FAAH: variants seen among roughly 807,000 people sequenced by gnomAD.
The protein encoded by FAAH is fatty acid amide hydrolase, also known as fatty-acid amide hydrolase 1.
In FAAH, 63 loss-of-function variants were observed where a neutral mutation model predicts 69.7. The observed-to-expected ratio is 0.90, with a 90% CI of 0.74 to 1.12. The LOEUF is 1.12. FAAH is among the 50% of genes most tolerant of loss of function. FAAH has a pLI of 0.00. For synonymous variants in FAAH, 305 were observed against 324.2 expected, an observed-to-expected ratio of 0.94 and a Z score of 0.64; for missense variants, 680 against 755.0, an observed-to-expected ratio of 0.90 and a Z score of 1.16.
intron 7 of FAAH, among the ~76,000 whole-genome samples, chr1:46,407,756 A>G: frequency 6.6e-6 from 1 of 152,188 alleles, no homozygotes; most frequent in African/African-American, 2.4e-5. Context: ...ATTGGTGCAG[A>G]CAGAGGAAGA....
chr1:46,411,193 T>TCTGAGCTGAC lies in FAAH; in HGVS notation c.1316+348_1316+357dup, dbSNP rs1664907788. 6.6e-6 allele frequency among the ~76,000 whole-genome samples: 1 copy of TCTGAGCTGAC among 152,126 alleles called. No individual in the cohort carries two copies. Among genetic ancestry groups the TCTGAGCTGAC allele is most frequent in the African/African-American group, 2.4e-5 (1 of 41,422 alleles). ...CCGGGAGAGATGCCACTGTTAGAGA[T>TCTGAGCTGAC]CTGAGCTGACCTGAGCTGCGCCAGG... On this transcript the variant is annotated intron_variant, in intron 11 of 14. Transcript: ENST00000243167. This position sits in a 1 kb window ranked among gnomAD's most constrained non-coding sequence, Gnocchi z 4.8.
intron 1 of FAAH, among the ~76,000 whole-genome samples, chr1:46,400,710 G>A (rs1664682655): frequency 6.9e-6 from 1 of 145,154 alleles, no homozygotes; most frequent in African/African-American, 2.6e-5. Context: ...CCAGTGAGCT[G>A]GTTTGGGCTC....
At position 46,412,209 on chromosome 1, in the gene FAAH, C is replaced by G. The variant is rs1374044172; in HGVS notation, c.1423C>G (p.Leu475Val). ...CCTGGATGTGGTGCTGACCCCCATGCTGGCCCCTGCTCTGGACTTGAATGC... is the reference window on the plus strand; with the variant it reads ...CCTGGATGTGGTGCTGACCCCCATGGTGGCCCCTGCTCTGGACTTGAATGC... ...LDLDVVLTPM[L>V]APALDLNAPG... Residue 475 changes from leucine (L) to valine (V), a missense_variant, in exon 13 of 15, where the codon CTG becomes GTG. Transcript: ENST00000243167. 2.2e-5 allele frequency: 35 copies of G among 1,559,430 alleles called. No homozygotes were observed. The highest frequency in any genetic ancestry group is 2.7e-5 in the Non-Finnish European group (31 of 1,151,490).
At chr1:46,395,255 G>T (rs747310451) in intron 1 of FAAH, among the ~76,000 whole-genome samples, 1 of 152,244 alleles carries the variant, frequency 6.6e-6, no homozygotes, top group Non-Finnish European at 1.5e-5. Flanking sequence ...CTTGATTTGT[G>T]CATTTGGATC....
rs202060291 is a variant in FAAH, at chr1:46,405,167, C to T, written c.444+19C>T. 1.3e-4 allele frequency: 216 copies of T among 1,613,576 alleles called. 3 individuals are homozygous for T. In the African/African-American group the frequency reaches 1.4e-3, roughly 10 times the overall value. The stretch of plus-strand genomic sequence containing the variant: ...CTACAAGGTATGCTCTGCCTCAGCG[C>T]CAGGCCTCCATCGTCCCCTCCATCC... On this transcript the variant is annotated intron_variant, in intron 3 of 14. Coordinates refer to ENST00000243167, the MANE Select transcript of FAAH (RefSeq NM_001441.3). This position sits in a 1 kb window ranked among gnomAD's most constrained non-coding sequence, Gnocchi z 4.1.
intron 7 of FAAH, among the ~76,000 whole-genome samples, chr1:46,407,501 T>G (rs1569819078): frequency 6.6e-6 from 1 of 152,058 alleles, no homozygotes. Context: ...GAGTGGCCAG[T>G]GGTCATCTTC....
intron 2 of FAAH, 124 bp downstream of exon 2, chr1:46,402,328 T>C: frequency 2.4e-6 from 2 of 839,318 alleles, no homozygotes; most frequent in Non-Finnish European, 3.9e-6. Flanking sequence ...TTAGTCCTGC[T>C]GGGGGCCATG....
intron 1 of FAAH, among the ~76,000 whole-genome samples, chr1:46,397,082 C>T (rs1221891760): frequency 6.6e-6 from 1 of 152,246 alleles, no homozygotes. Flanking sequence ...AGGTTCTTCA[C>T]TGTCTAGTTG....
At position 46,405,578 on chromosome 1, in the gene FAAH, G is replaced by A. The variant is rs1664777585; in HGVS notation, c.579-10G>A. 3 of 1,613,218 alleles carry A rather than the reference G, an allele frequency of 1.9e-6. No individual in the cohort carries two copies. Among genetic ancestry groups the A allele is most frequent in the Admixed American group, 1.7e-5 (1 of 60,008 alleles). On this transcript the variant is annotated splice_polypyrimidine_tract_variant and intron_variant, in intron 4 of 14. Transcript: ENST00000243167. This position sits in a 1 kb window ranked among gnomAD's most constrained non-coding sequence, Gnocchi z 4.1. ...CATGGCACGGGCTGACCCATTCTTG[G>A]CTCCTCCAGCTATGACTGCAGTAAC... is the stretch of plus-strand genomic sequence containing the variant.
rs201075421 is a variant in FAAH, at chr1:46,413,673, T to A, written c.*98T>A. The stretch of plus-strand genomic sequence containing the variant: ...TGCCACAGCAAGGAAATGTCCTGCA[T>A]GGGGCAGAGGCTTCCGTGTCCTCTC... On this transcript the variant is annotated 3_prime_UTR_variant, in exon 15 of 15. Transcript: ENST00000243167. 1.9e-6 allele frequency: 3 copies of A among 1,572,226 alleles called. No individual in the cohort carries two copies. Among genetic ancestry groups the A allele is most frequent in the Non-Finnish European group, 2.6e-6 (3 of 1,148,826 alleles).
chr1:46,410,970 GC>G lies in FAAH; in HGVS notation c.1316+119del. ...GAAGTAGCCTCTGAGGCTGGAAGTG[GC>G]CCAGGCAGGGGGGCAACCTTTGTGG... On this transcript the variant is annotated intron_variant, in intron 11 of 14. Coordinates refer to ENST00000243167, the MANE Select transcript of FAAH (RefSeq NM_001441.3). The surrounding 1 kb of genome is among the most constrained non-coding windows in gnomAD (Gnocchi z 4.9). The G allele has an allele frequency of 7.5e-7, 1 of 1,329,292 alleles. No individual in the cohort carries two copies. Among genetic ancestry groups the G allele is most frequent in the Non-Finnish European group, 1.1e-6 (1 of 928,918 alleles). The allele number at this position is 1,329,292 out of a possible 1,614,324, so 82.3% of individuals were successfully genotyped here.
chr1:46,410,596 T>G lies in FAAH; in HGVS notation c.1275+99T>G, dbSNP rs938413769. 1 of 1,199,680 alleles carries G rather than the reference T, an allele frequency of 8.3e-7. No individual in the cohort carries two copies. Among genetic ancestry groups the G allele is most frequent in the African/African-American group, 1.5e-5 (1 of 67,026 alleles). The allele number at this position is 1,199,680 out of a possible 1,614,324, so 74.3% of individuals were successfully genotyped here. On this transcript the variant is annotated intron_variant, in intron 10 of 14. Coordinates refer to ENST00000243167, the MANE Select transcript of FAAH (RefSeq NM_001441.3). The surrounding 1 kb of genome is among the most constrained non-coding windows in gnomAD (Gnocchi z 4.9). ...TGGCCTCCCTCAGCCTCTCTTGGTT[T>G]GGGCAGGCATGGCCTCCTCTTCTCT... is the stretch of plus-strand genomic sequence containing the variant.
chr1:46,412,103 G>A, intron 12 of FAAH, 40 bp from the exon 13 acceptor site: 1 of 1,524,808 alleles, frequency 6.6e-7, no homozygotes, highest in Non-Finnish European at 8.9e-7. Flanking sequence ...GGGTGGGCTA[G>A]GTCTGAGTGC....
intron 8 of FAAH, 117 bp downstream of exon 8, chr1:46,408,701 G>A: frequency 1.3e-6 from 2 of 1,505,020 alleles, no homozygotes; most frequent in Non-Finnish European, 1.8e-6. Flanking sequence ...TGTCGTCGGG[G>A]TGAACTGTGA....
At chr1:46,409,332 C>A in intron 9 of FAAH, 134 bp downstream of exon 9, 1 of 729,476 alleles carries the variant, frequency 1.4e-6, no homozygotes, top group Non-Finnish European at 2.5e-6. Context: ...GGGCAGGGAC[C>A]TCGCTGTCCC....
At chr1:46,407,914 G>T (rs1178094879) in intron 7 of FAAH, among the ~76,000 whole-genome samples, 1 of 152,192 alleles carries the variant, frequency 6.6e-6, no homozygotes, top group Non-Finnish European at 1.5e-5. Context: ...ACGGGAAGGA[G>T]AGTGGGCCTT....
rs775774305 is a variant in FAAH at position 46,410,855 on chromosome 1, G to A, written c.1316+1G>A. 5.0e-6 allele frequency: 8 copies of A among 1,614,098 alleles called. No individual in the cohort carries two copies. Among genetic ancestry groups the A allele is most frequent in the Admixed American group, 1.7e-5 (1 of 60,008 alleles). On this transcript the variant is annotated splice_donor_variant, in intron 11 of 14. Transcript: ENST00000243167. LOFTEE classifies it high-confidence loss of function. The surrounding 1 kb of genome is among the most constrained non-coding windows in gnomAD (Gnocchi z 4.9). ...CTTTCCTCAGCAACATGAAGTCTCGGTAAGGGTTCTTCTGTGTCTAGCTGC... is the reference window on the plus strand; with the variant it reads ...CTTTCCTCAGCAACATGAAGTCTCGATAAGGGTTCTTCTGTGTCTAGCTGC...
At chr1:46,412,732 G>C (rs1664939151) in intron 13 of FAAH, among the ~76,000 whole-genome samples, 1 of 152,048 alleles carries the variant, frequency 6.6e-6, no homozygotes, top group Non-Finnish European at 1.5e-5. Flanking sequence ...GATTGCTTGA[G>C]CCCAGGAGGT....
rs61343013 is a variant in FAAH at position 46,401,884 on chromosome 1, GA to G, written c.196-197del. 6.9e-3 allele frequency among the ~76,000 whole-genome samples: 1,030 copies of G among 149,088 alleles called. 12 individuals carry two copies. The highest frequency in any genetic ancestry group is 0.041 in the Middle Eastern group (12 of 292). On this transcript the variant is annotated intron_variant, in intron 1 of 14. Coordinates refer to ENST00000243167, the MANE Select transcript of FAAH (RefSeq NM_001441.3). Reference sequence around the variant, plus strand: ...AACACGGCCAGACACTGTCTCTAAGGAAAAAAAAAACCTACTTGGGCAGGTC... The same window carrying G: ...AACACGGCCAGACACTGTCTCTAAGGAAAAAAAAACCTACTTGGGCAGGTC...
Sources: allele counts gnomAD v4.1 joint callset (sites outside exome capture counted in the v4.1 genomes callset), GRCh38; gene constraint gnomAD v4.1.1; non-coding constraint Gnocchi (gnomAD v3.1); transcripts MANE v1.5; gene names NCBI Gene and HGNC (gene_info 2026-07-23, HGNC 2026-07-21).